Variants in ENPEP observed in about 807,000 individuals in gnomAD.
ENPEP encodes AP-A.
In ENPEP, 103 loss-of-function variants were observed where a neutral mutation model predicts 114.5. That is an observed-to-expected ratio of 0.90 (90% CI 0.77 to 1.06). The LOEUF (loss-of-function observed/expected upper bound fraction) is 1.06, where lower values mean the gene tolerates loss of function less well. ENPEP is among the 50% of genes least tolerant of loss of function. ENPEP has a pLI of 0.00. For missense variants in ENPEP, 1,196 were observed against 1,161.3 expected (o/e 1.03, Z -0.43); for synonymous variants, 420 against 422.0 (o/e 1.00, Z 0.06).
intron 3 of ENPEP, chr4:110,499,935 A>T (rs948272645): frequency 6.6e-6 from 1 of 152,212 alleles, no homozygotes; most frequent in African/African-American, 2.4e-5. Flanking sequence ...GAAAATGCTT[A>T]TCACATTCCT....
At chr4:110,489,177 T>C (rs531220382) in intron 2 of ENPEP, among the ~76,000 whole-genome samples, 1 of 151,764 alleles carries the variant, frequency 6.6e-6, no homozygotes, top group Admixed American at 6.6e-5. Context: ...TAGACTCCTT[T>C]GGTGAGTGGG....
intron 3 of ENPEP, among the ~76,000 whole-genome samples, chr4:110,493,467 CT>C (rs1724802255): frequency 6.6e-6 from 1 of 152,168 alleles, no homozygotes; most frequent in African/African-American, 2.4e-5. Context: ...CCTTTTGAAA[CT>C]TCTCAGAGGC....
chr4:110,551,212 T>C (rs1727275947), intron 17 of ENPEP, among the ~76,000 whole-genome samples: 1 of 152,068 alleles, frequency 6.6e-6, no homozygotes. Flanking sequence ...GAACTTTAGA[T>C]GCCTTAGTAA....
chr4:110,551,501 C>T (rs1467466891), intron 17 of ENPEP, among the ~76,000 whole-genome samples: 2 of 152,136 alleles, frequency 1.3e-5, no homozygotes, highest in Non-Finnish European at 2.9e-5. Flanking sequence ...GAAGATTCTG[C>T]AGCAAGTCCA....
intron 4 of ENPEP, among the ~76,000 whole-genome samples, chr4:110,508,949 G>T (rs1283215835): frequency 1.3e-5 from 2 of 152,166 alleles, no homozygotes; most frequent in South Asian, 4.1e-4. Flanking sequence ...TCTGTTTACA[G>T]TTCATTAACT....
chr4:110,489,751 A>G (rs2110337391), intron 2 of ENPEP, among the ~76,000 whole-genome samples: 1 of 152,340 alleles, frequency 6.6e-6, no homozygotes, highest in South Asian at 2.1e-4. Context: ...TACTTTACAC[A>G]TTCGACATGT....
intron 11 of ENPEP, among the ~76,000 whole-genome samples, chr4:110,533,885 G>A (rs963993322): frequency 6.6e-6 from 1 of 152,118 alleles, no homozygotes; most frequent in African/African-American, 2.4e-5. Flanking sequence ...TTGAATAAAT[G>A]AATGAATAAA....
intron 10 of ENPEP, among the ~76,000 whole-genome samples, chr4:110,521,049 C>T (rs1048183700): frequency 5.3e-5 from 8 of 152,180 alleles, no homozygotes; most frequent in Non-Finnish European, 1.0e-4. Flanking sequence ...AAGCCTCCCT[C>T]ATTATGTTAT....
intron 3 of ENPEP, among the ~76,000 whole-genome samples, chr4:110,492,003 G>A (rs1372410243): frequency 6.6e-6 from 1 of 152,118 alleles, no homozygotes; most frequent in Admixed American, 6.5e-5. Context: ...TTACAGGCAT[G>A]AGCCACCGAG....
chr4:110,498,146 G>A (rs1369588105), intron 3 of ENPEP, among the ~76,000 whole-genome samples: 3 of 152,156 alleles, frequency 2.0e-5, no homozygotes, highest in Admixed American at 1.3e-4. Context: ...CCTGAAGAGA[G>A]TGAAATATGC....
rs148105906 is a variant in ENPEP at position 110,545,451 on chromosome 4, G to A, written c.2000+2381G>A. ...TCTACTTCATTTAAAGCTTCTCCCT[G>A]CCCCCAGCTTAGGCCAGGTTCAGGC... On this transcript the variant is annotated intron_variant, in intron 13 of 19. Transcript: ENST00000265162. 3.9e-3 allele frequency among the ~76,000 whole-genome samples: 595 copies of A among 152,002 alleles called. 4 individuals carry two copies. The highest frequency in any genetic ancestry group is 0.014 in the African/African-American group (573 of 41,478).
At chr4:110,561,312 G>T in intron 19 of ENPEP, 94 bp from the exon 20 acceptor site, 1 of 1,331,662 alleles carries the variant, frequency 7.5e-7, no homozygotes, top group East Asian at 2.4e-5. Flanking sequence ...TGAATTTCTA[G>T]GTAAGAAGAA....
chr4:110,521,456 TAGAG>T (rs1286890021), intron 10 of ENPEP, among the ~76,000 whole-genome samples: 3 of 151,834 alleles, frequency 2.0e-5, no homozygotes, highest in Non-Finnish European at 4.4e-5. Flanking sequence ...TTCTCGATAA[TAGAG>T]AGAGTACACG....
chr4:110,519,708 T>C (rs765525540), intron 8 of ENPEP, among the ~76,000 whole-genome samples: 1 of 152,146 alleles, frequency 6.6e-6, no homozygotes, highest in Non-Finnish European at 1.5e-5. Context: ...CAAGCTACTG[T>C]CTGCTGGCCA....
At chr4:110,502,537 C>T (rs549994135) in intron 3 of ENPEP, among the ~76,000 whole-genome samples, 59 of 152,214 alleles carry the variant, frequency 3.9e-4, no homozygotes, top group Middle Eastern at 3.4e-3. Flanking sequence ...AGAGTCTTAT[C>T]CCTATTGCTT....
At chr4:110,525,228 T>G (rs1413791200) in intron 10 of ENPEP, among the ~76,000 whole-genome samples, 1 of 152,238 alleles carries the variant, frequency 6.6e-6, no homozygotes, top group African/African-American at 2.4e-5. Context: ...GGGTGCCAGC[T>G]GCTCCCATCT....
chr4:110,551,110 A>G (rs1283945260), intron 17 of ENPEP, among the ~76,000 whole-genome samples: 3 of 151,760 alleles, frequency 2.0e-5, no homozygotes, highest in African/African-American at 7.3e-5. Flanking sequence ...AAAAAAAAAA[A>G]AGAACTTGAT....
At chr4:110,536,000 G>A (rs752701271) in intron 11 of ENPEP, among the ~76,000 whole-genome samples, 12 of 151,332 alleles carry the variant, frequency 7.9e-5, no homozygotes, top group Non-Finnish European at 1.5e-4. Context: ...CCAGCTACTC[G>A]GGAGGCTGAA....
At chr4:110,538,677 C>T (rs971768018) in intron 11 of ENPEP, among the ~76,000 whole-genome samples, 1 of 152,220 alleles carries the variant, frequency 6.6e-6, no homozygotes, top group Non-Finnish European at 1.5e-5. Flanking sequence ...AGAGGCCTGG[C>T]TTTCAGCCTG....
Sources: gnomAD v4.1 joint callset for allele counts (sites outside exome capture counted in the v4.1 genomes callset) on GRCh38, gnomAD v4.1.1 for gene constraint, MANE v1.5 for transcripts, NCBI Gene and HGNC (gene_info 2026-07-23, HGNC 2026-07-21) for gene names.